CNBD1: variants seen among roughly 807,000 people sequenced by gnomAD.
CNBD1 encodes cyclic nucleotide-binding domain-containing protein 1.
In CNBD1, 71 loss-of-function variants were observed where a neutral mutation model predicts 54.4. That is an observed-to-expected ratio of 1.30 (90% CI 1.08 to 1.59). The LOEUF (loss-of-function observed/expected upper bound fraction) is 1.59. CNBD1 is among the 40% of genes most tolerant of loss of function. The pLI is 0.00. For missense variants in CNBD1, 659 were observed against 518.0 expected (o/e 1.27, Z -2.64); for synonymous variants, 182 against 170.7 (o/e 1.07, Z -0.51).
chr8:86,952,213 GT>G (rs1209313096), intron 4 of CNBD1, among the ~76,000 whole-genome samples: 5 of 152,108 alleles, frequency 3.3e-5, no homozygotes, highest in Non-Finnish European at 7.4e-5. Context: ...AACCCAAGCT[GT>G]TCCCTGACCA....
rs187239253 is a variant in CNBD1, at chr8:87,388,614, T to G, written c.213+34828T>G. Among the ~76,000 whole-genome samples, 683 of 152,138 alleles carry G rather than the reference T, an allele frequency of 4.5e-3. 27 individuals are homozygous for G. In the East Asian group the frequency reaches 0.061, roughly 14 times the overall value. ...TGAAATTGAGGCAACAATTAATAGC[T>G]TACCAACCAAAAAAAGTCCAGGGCC... On this transcript the variant is annotated intron_variant, in intron 2 of 7. Coordinates refer to the CNBD1 transcript ENST00000521593.
intron 8 of CNBD1, among the ~76,000 whole-genome samples, chr8:87,337,791 C>T (rs1267542406): frequency 6.6e-6 from 1 of 152,170 alleles, no homozygotes; most frequent in South Asian, 2.1e-4. Context: ...TGGATCATGC[C>T]AGCCACCTAG....
intron 3 of CNBD1, among the ~76,000 whole-genome samples, chr8:86,936,940 A>G (rs888735220): frequency 3.3e-5 from 5 of 152,174 alleles, no homozygotes; most frequent in African/African-American, 1.2e-4. Flanking sequence ...AAATTTATAT[A>G]AACTCTTTTA....
intron 4 of CNBD1, among the ~76,000 whole-genome samples, chr8:87,186,152 T>C (rs2130781844): frequency 6.6e-6 from 1 of 152,146 alleles, no homozygotes; most frequent in East Asian, 1.9e-4. Flanking sequence ...GTATTTATTC[T>C]AATTTTAATT....
intron 4 of CNBD1, among the ~76,000 whole-genome samples, chr8:87,117,229 T>G (rs1811791051): frequency 6.6e-6 from 1 of 151,684 alleles, no homozygotes; most frequent in South Asian, 2.1e-4. Flanking sequence ...AAACCTCATC[T>G]CTACTAAAAA....
intron 8 of CNBD1, among the ~76,000 whole-genome samples, chr8:87,313,238 G>T (rs1002433607): frequency 1.3e-5 from 2 of 152,018 alleles, no homozygotes; most frequent in African/African-American, 2.4e-5. Context: ...TTGGACAAAC[G>T]TTGTTTTAGA....
At chr8:86,958,957 A>G (rs1807854304) in intron 4 of CNBD1, among the ~76,000 whole-genome samples, 1 of 152,086 alleles carries the variant, frequency 6.6e-6, no homozygotes, top group South Asian at 2.1e-4. Flanking sequence ...TGGTCTTTAC[A>G]ATTTGGCATG....
intron 4 of CNBD1, among the ~76,000 whole-genome samples, chr8:87,179,136 C>T (rs1406580770): frequency 6.6e-6 from 1 of 152,118 alleles, no homozygotes; most frequent in East Asian, 1.9e-4. Context: ...GTCTCGATCT[C>T]TTGACCTCGT....
chr8:87,001,955 T>G (rs1809002147), intron 4 of CNBD1, among the ~76,000 whole-genome samples: 1 of 152,214 alleles, frequency 6.6e-6, no homozygotes, highest in Admixed American at 6.5e-5. Context: ...AGTAGTGTTT[T>G]CAAAATGTTC....
intron 2 of CNBD1, among the ~76,000 whole-genome samples, chr8:87,404,901 G>GTA (rs927897132): frequency 5.9e-5 from 9 of 151,930 alleles, no homozygotes; most frequent in African/African-American, 2.2e-4. Flanking sequence ...CTTTGCTTCT[G>GTA]TATATATATT....
At chr8:86,983,502 C>G (rs1334840089) in intron 4 of CNBD1, among the ~76,000 whole-genome samples, 4 of 152,032 alleles carry the variant, frequency 2.6e-5, no homozygotes, top group African/African-American at 9.7e-5. Context: ...CAGAAGAAGA[C>G]AGAAAAATGT....
At chr8:87,393,151 G>C (rs976935758) in intron 2 of CNBD1, among the ~76,000 whole-genome samples, 6 of 151,766 alleles carry the variant, frequency 4.0e-5, no homozygotes, top group Non-Finnish European at 8.8e-5. Context: ...ATTATTTTTA[G>C]GCATGTTAGT....
chr8:86,866,679 A>G (rs1295838180), intron 1 of CNBD1, 96 bp downstream of exon 1: 1 of 856,492 alleles, frequency 1.2e-6, no homozygotes, highest in Non-Finnish European at 1.9e-6. Flanking sequence ...CAGGGTTGAT[A>G]GGGACATTGG....
At chr8:87,005,180 G>A (rs752890416) in intron 4 of CNBD1, among the ~76,000 whole-genome samples, 2 of 151,822 alleles carry the variant, frequency 1.3e-5, no homozygotes, top group East Asian at 1.9e-4. Flanking sequence ...TCAGGAGATC[G>A]AGACCATGGT....
chr8:87,374,231 A>C (rs6981957), intron 10 of CNBD1, among the ~76,000 whole-genome samples: 42,619 of 151,586 alleles, frequency 0.28, 6,699 homozygotes, highest in Middle Eastern at 0.41. Flanking sequence ...CGTGCACTTC[A>C]TCTGTCTTTT....
At chr8:87,331,267 G>T (rs1218793397) in intron 8 of CNBD1, among the ~76,000 whole-genome samples, 3 of 152,136 alleles carry the variant, frequency 2.0e-5, no homozygotes, top group Non-Finnish European at 2.9e-5. Context: ...GTGTGTCCAT[G>T]TGTTCTAATT....
intron 4 of CNBD1, among the ~76,000 whole-genome samples, chr8:87,176,229 G>A (rs1181502633): frequency 1.3e-5 from 2 of 152,152 alleles, no homozygotes; most frequent in South Asian, 2.1e-4. Flanking sequence ...GCTTTTTTGT[G>A]TAGATAGTTG....
Position 87,092,459 on chromosome 8 carries a change from G to GTGTGTGTGTATATATATACACATA in CNBD1, c.432-113525_432-113524insATATATATACACATATGTGTGTGT, listed in dbSNP as rs1563465563. 7.9e-5 allele frequency among the ~76,000 whole-genome samples: 11 copies of GTGTGTGTGTATATATATACACATA among 138,492 alleles called. 1 individual carries two copies. The highest frequency in any genetic ancestry group is 3.0e-4 in the African/African-American group (11 of 37,098). 90.9% of individuals were successfully genotyped at this position (138,492 alleles called of 152,430 possible). ...TGTGTGTGTATATATATACACATAT[G>GTGTGTGTGTATATATATACACATA]TGTGTGTGTGTATATATATACACAT... On this transcript the variant is annotated intron_variant, in intron 4 of 10. Coordinates refer to ENST00000518476, the MANE Select transcript of CNBD1 (RefSeq NM_173538.3).
rs199791932 is a variant in CNBD1 at position 86,959,119 on chromosome 8, A to G, written c.431+19365A>G. Among the ~76,000 whole-genome samples the G allele has an allele frequency of 1.4e-3, 219 of 152,136 alleles. 1 individual carries two copies. The highest frequency in any genetic ancestry group is 5.2e-3 in the African/African-American group (214 of 41,502). ...TCCTTCACTTATGAAGCTTATTTTGACTGGATATGAAATTCTGGGTTGAAA... is the reference window on the plus strand; with the variant it reads ...TCCTTCACTTATGAAGCTTATTTTGGCTGGATATGAAATTCTGGGTTGAAA... On this transcript the variant is annotated intron_variant, in intron 4 of 10. Transcript: ENST00000518476.
Sources: allele counts gnomAD v4.1 joint callset (sites outside exome capture counted in the v4.1 genomes callset), GRCh38; gene constraint gnomAD v4.1.1; transcripts MANE v1.5; gene names NCBI Gene and HGNC (gene_info 2026-07-23, HGNC 2026-07-21).